SH2D1B: variants seen among roughly 807,000 people sequenced by gnomAD.
The protein encoded by SH2D1B is SH2 domain containing 1B.
A neutral mutation model predicts 16.3 loss-of-function variants in SH2D1B; 11 were observed. The observed-to-expected ratio is 0.67, with a 90% CI of 0.42 to 1.11. SH2D1B has a LOEUF of 1.11. SH2D1B is among the 50% of genes most tolerant of loss of function. The probability of loss-of-function intolerance (pLI) is 0.00; values close to 1 mark genes in which losing one functional copy is unlikely to be tolerated. For synonymous variants in SH2D1B, 55 were observed against 56.1 expected (o/e 0.98, Z 0.09); for missense variants, 123 against 153.1 (o/e 0.80, Z 1.04).
rs1275049670 is a variant in SH2D1B at position 162,395,284 on chromosome 1, A to G, written c.*1996T>C. 6.6e-6 allele frequency: 1 copy of G among 152,240 alleles called. No individual in the cohort carries two copies. The highest frequency in any genetic ancestry group is 2.4e-5 in the African/African-American group (1 of 41,462). 9.4% of individuals were successfully genotyped at this position (152,240 alleles called of 1,614,324 possible). Reference sequence around the variant, plus strand: ...ATGCAAGGATGAAATGATATCAACAATTTTATTAAGGTAACTTACCTTTAT... The same window carrying G: ...ATGCAAGGATGAAATGATATCAACAGTTTTATTAAGGTAACTTACCTTTAT... On this transcript the variant is annotated 3_prime_UTR_variant, in exon 4 of 4. Transcript: ENST00000367929.
chr1:162,410,632 G>A (rs991018112), intron 1 of SH2D1B, among the ~76,000 whole-genome samples: 29 of 151,504 alleles, frequency 1.9e-4, no homozygotes, highest in African/African-American at 6.8e-4. Flanking sequence ...TTGATACTGT[G>A]GCCTGGAATT....
chr1:162,409,678 A>G (rs996515385), intron 1 of SH2D1B, among the ~76,000 whole-genome samples: 7 of 152,124 alleles, frequency 4.6e-5, no homozygotes, highest in African/African-American at 1.7e-4. Context: ...TCCTGGGTTC[A>G]AGCGATTCTC....
In SH2D1B at chr1:162,397,916, G is replaced by T. The variant is rs568170436; in HGVS notation, c.364-601C>A. 1.0e-3 allele frequency among the ~76,000 whole-genome samples: 152 copies of T among 149,892 alleles called. 1 individual carries two copies. The highest frequency in any genetic ancestry group is 3.5e-3 in the African/African-American group (142 of 40,846). On this transcript the variant is annotated intron_variant, in intron 3 of 3. Transcript: ENST00000367929. ...TGTATACTTTTTATTCTATAAATTT[G>T]GGGGGGAAAGTAGCTGTGGGACTAC... is the stretch of plus-strand genomic sequence containing the variant.
At chr1:162,404,924 C>T (rs958078441) in intron 1 of SH2D1B, among the ~76,000 whole-genome samples, 1 of 152,234 alleles carries the variant, frequency 6.6e-6, no homozygotes, top group Admixed American at 6.5e-5. Flanking sequence ...ATAGAACACA[C>T]AACTTAGCTG....
chr1:162,408,650 G>A (rs549183477), intron 1 of SH2D1B, among the ~76,000 whole-genome samples: 23 of 151,966 alleles, frequency 1.5e-4, no homozygotes, highest in Non-Finnish European at 3.1e-4. Context: ...TCTTGACCTA[G>A]TGATCTGCCC....
intron 1 of SH2D1B, among the ~76,000 whole-genome samples, chr1:162,408,577 TA>T (rs1648709266): frequency 6.6e-6 from 1 of 151,930 alleles, no homozygotes; most frequent in Admixed American, 6.6e-5. Flanking sequence ...CACACCCAGC[TA>T]ATTAGTTTTG....
chr1:162,402,897 C>A, intron 1 of SH2D1B, 95 bp from the exon 2 acceptor site: 3 of 983,166 alleles, frequency 3.1e-6, no homozygotes, highest in South Asian at 1.4e-5. Flanking sequence ...TGTTAATCTA[C>A]AATCCTAAAA....
intron 1 of SH2D1B, among the ~76,000 whole-genome samples, chr1:162,408,637 A>G (rs569207921): frequency 6.6e-6 from 1 of 151,968 alleles, no homozygotes; most frequent in East Asian, 1.9e-4. Flanking sequence ...GATGGTCTCA[A>G]TCTCTTGACC....
At chr1:162,398,469 C>T (rs751683017) in intron 3 of SH2D1B, among the ~76,000 whole-genome samples, 25 of 152,206 alleles carry the variant, frequency 1.6e-4, no homozygotes, top group Non-Finnish European at 2.6e-4. Context: ...TTTTCCACTA[C>T]GGCTTAATGC....
Position 162,397,255 on chromosome 1 carries a change from C to G in SH2D1B, c.*25G>C. The G allele has an allele frequency of 6.2e-7, 1 of 1,613,628 alleles. No homozygotes were observed. The highest frequency in any genetic ancestry group is 1.1e-5 in the South Asian group (1 of 91,068). On this transcript the variant is annotated 3_prime_UTR_variant, in exon 4 of 4. Transcript: ENST00000367929. ...TGAGAACTGTTACTCATCTCTTCAA[C>G]TTGCTTTGTCCGGCAGCCTTATCTT...
chr1:162,408,675 G>A (rs453579), intron 1 of SH2D1B, among the ~76,000 whole-genome samples: 137,116 of 152,116 alleles, frequency 0.9, 61,979 homozygotes, highest in African/African-American at 0.96. Flanking sequence ...CGGCCTCCCA[G>A]AGTGCTGGGA....
intron 1 of SH2D1B, among the ~76,000 whole-genome samples, chr1:162,408,778 C>T (rs1424090645): frequency 6.6e-6 from 1 of 151,978 alleles, no homozygotes; most frequent in Non-Finnish European, 1.5e-5. Context: ...TGATGCACCA[C>T]AGAACAGTTG....
At chr1:162,405,349 C>T (rs1648628440) in intron 1 of SH2D1B, among the ~76,000 whole-genome samples, 1 of 152,104 alleles carries the variant, frequency 6.6e-6, no homozygotes, top group Non-Finnish European at 1.5e-5. Flanking sequence ...ATTATCTTGG[C>T]TGTGTTCGTT....
At chr1:162,409,279 G>A (rs1648738581) in intron 1 of SH2D1B, among the ~76,000 whole-genome samples, 3 of 151,998 alleles carry the variant, frequency 2.0e-5, no homozygotes, top group East Asian at 1.9e-4. Flanking sequence ...AGTTTCTGTT[G>A]CCATCATTTC....
chr1:162,398,849 T>A (rs1349389127), intron 3 of SH2D1B, 74 bp downstream of exon 3: 1 of 1,480,430 alleles, frequency 6.8e-7, no homozygotes, highest in East Asian at 2.3e-5. Flanking sequence ...TTTGTCTGTA[T>A]TGAGTTTACA....
intron 1 of SH2D1B, among the ~76,000 whole-genome samples, chr1:162,403,245 C>T (rs950827908): frequency 6.6e-6 from 1 of 151,910 alleles, no homozygotes. Flanking sequence ...AATCCCAACA[C>T]TTTGGGAGGC....
intron 1 of SH2D1B, among the ~76,000 whole-genome samples, chr1:162,410,473 A>G (rs1331843013): frequency 1.3e-5 from 2 of 152,144 alleles, no homozygotes; most frequent in African/African-American, 4.8e-5. Context: ...AGACATTTGG[A>G]TTTTAATTTC....
chr1:162,408,850 G>C (rs1290037772), intron 1 of SH2D1B, among the ~76,000 whole-genome samples: 2 of 152,146 alleles, frequency 1.3e-5, no homozygotes, highest in East Asian at 1.9e-4. Context: ...GCTCATGCCT[G>C]TAATCCCAGC....
At chr1:162,407,266 G>T (rs1288586408) in intron 1 of SH2D1B, among the ~76,000 whole-genome samples, 2 of 152,152 alleles carry the variant, frequency 1.3e-5, no homozygotes, top group Non-Finnish European at 1.5e-5. Flanking sequence ...TTAAAGCTGG[G>T]TGTCCAGGGG....
Sources: gnomAD v4.1 joint callset for allele counts (sites outside exome capture counted in the v4.1 genomes callset) on GRCh38, gnomAD v4.1.1 for gene constraint, MANE v1.5 for transcripts, NCBI Gene and HGNC (gene_info 2026-07-23, HGNC 2026-07-21) for gene names.